MYCBP2: variants seen among roughly 807,000 people sequenced by gnomAD.
The protein encoded by MYCBP2 is E3 ubiquitin-protein ligase MYCBP2.
In MYCBP2, 120 loss-of-function variants were observed where a neutral mutation model predicts 525.3. That is an observed-to-expected ratio of 0.23 (90% CI 0.20 to 0.27). MYCBP2 has a LOEUF of 0.27. Ranked by LOEUF, MYCBP2 falls within the 10% of genes least tolerant of loss-of-function variation. The pLI is 1.00. For missense variants in MYCBP2, 4,149 were observed against 5,657.1 expected, an observed-to-expected ratio of 0.73 and a Z score of 8.55; for synonymous variants, 1,894 against 1,955.8, an observed-to-expected ratio of 0.97 and a Z score of 0.83.
intron 27 of MYCBP2, among the ~76,000 whole-genome samples, chr13:77,193,135 A>G (rs1490109715): frequency 6.6e-6 from 1 of 152,168 alleles, no homozygotes; most frequent in Non-Finnish European, 1.5e-5. Context: ...TCTCAAAAAT[A>G]AAAATTAATA....
In MYCBP2 at chr13:77,068,683, G is replaced by C. The variant is rs1479387532; in HGVS notation, c.12053C>G (p.Ser4018Cys). Reference sequence around the variant, plus strand: ...AGAGCCACTCAGTGCTAAAACCATAGAGAGCAGCTCAAAGCAGTAGGCATC... The same window carrying C: ...AGAGCCACTCAGTGCTAAAACCATACAGAGCAGCTCAAAGCAGTAGGCATC... Reference protein sequence around the residue: ...SSDAYCFELLSMVLALSGSNV... With the variant: ...SSDAYCFELLCMVLALSGSNV... The change falls in exon 70 of 83, where the codon TCT (serine) becomes TGT (cysteine). Residue 4018 changes from serine (S) to cysteine (C), a missense_variant. Ser to Cys is a moderately radical substitution (Grantham distance 112, BLOSUM62 -1). Around this residue, in one of 21 missense-constraint regions of MYCBP2, gnomAD observed 64 missense variants for 131.2 expected, o/e 0.49. Transcript: ENST00000544440. The C allele has an allele frequency of 1.2e-6, 2 of 1,614,044 alleles. No individual in the cohort carries two copies. The highest frequency in any genetic ancestry group is 1.3e-5 in the African/African-American group (1 of 74,922).
intron 52 of MYCBP2, among the ~76,000 whole-genome samples, chr13:77,137,792 G>A (rs545578858): frequency 6.6e-6 from 1 of 152,212 alleles, no homozygotes; most frequent in Non-Finnish European, 1.5e-5. Context: ...GTTTCACCAT[G>A]TTGGCCAGGC....
At chr13:77,174,952 T>TTATATA (rs991835094) in intron 36 of MYCBP2, among the ~76,000 whole-genome samples, 7 of 116,648 alleles carry the variant, frequency 6.0e-5, no homozygotes, top group African/African-American at 2.7e-4. Context: ...ATTTTATATA[T>TTATATA]TATATATATA....
chr13:77,168,008 G>GT (rs2058722643), intron 40 of MYCBP2, among the ~76,000 whole-genome samples: 1 of 152,092 alleles, frequency 6.6e-6, no homozygotes, highest in East Asian at 1.9e-4. Flanking sequence ...TTTATACATA[G>GT]TTTTTTTAAC....
chr13:77,137,122 A>C (rs1457276429), intron 52 of MYCBP2, among the ~76,000 whole-genome samples: 2 of 152,128 alleles, frequency 1.3e-5, no homozygotes, highest in African/African-American at 4.8e-5. Flanking sequence ...TCCACTCCTT[A>C]CCGCTCCTCT....
intron 49 of MYCBP2, among the ~76,000 whole-genome samples, chr13:77,141,930 T>A (rs1346127205): frequency 6.6e-6 from 1 of 152,092 alleles, no homozygotes; most frequent in East Asian, 1.9e-4. Context: ...CGGAGAAAAC[T>A]TAGGAAGAAG....
At chr13:77,266,264 T>G (rs1305301978) in intron 8 of MYCBP2, among the ~76,000 whole-genome samples, 1 of 152,170 alleles carries the variant, frequency 6.6e-6, no homozygotes, top group African/African-American at 2.4e-5. Context: ...CTAAAATGAC[T>G]GGCACAAAGA....
intron 13 of MYCBP2, among the ~76,000 whole-genome samples, chr13:77,258,121 A>G (rs908997100): frequency 2.6e-5 from 4 of 152,202 alleles, no homozygotes; most frequent in African/African-American, 9.6e-5. Flanking sequence ...ACCTCTCCAC[A>G]GTACTTTCAA....
At chr13:77,229,922 ATCTC>A (rs1164978195) in intron 18 of MYCBP2, among the ~76,000 whole-genome samples, 4 of 152,182 alleles carry the variant, frequency 2.6e-5, no homozygotes, top group African/African-American at 9.6e-5. Context: ...TTTTAGGACT[ATCTC>A]TAGAACAATT....
At chr13:77,078,783 T>C in intron 66 of MYCBP2, 41 bp downstream of exon 66, 3 of 1,530,234 alleles carry the variant, frequency 2.0e-6, no homozygotes, top group Non-Finnish European at 2.7e-6. Flanking sequence ...AAGAAATTTC[T>C]CTCTAGGTAG....
chr13:77,068,810 C>T lies in MYCBP2; in HGVS notation c.11926G>A (p.Ala3976Thr), dbSNP rs2040614920. Residue 3976 changes from alanine (A) to threonine (T), a missense_variant, in exon 70 of 83, where the codon GCT (alanine) becomes ACT (threonine). Transcript: ENST00000544440. ...ACTCTGGTAGCTTCCATGCGAATAGCTTGGACAATATGAGCACACACCTAT... is the reference window on the plus strand; with the variant it reads ...ACTCTGGTAGCTTCCATGCGAATAGTTTGGACAATATGAGCACACACCTAT... Reference protein sequence around the residue: ...QKQVCAHIVQAIRMEATRVRE... With the variant: ...QKQVCAHIVQTIRMEATRVRE... The T allele has an allele frequency of 6.2e-7, 1 of 1,613,964 alleles. No individual in the cohort carries two copies. Among genetic ancestry groups the T allele is most frequent in the Admixed American group, 1.7e-5 (1 of 60,022 alleles).
chr13:77,306,484 TG>T (rs1171998140), intron 1 of MYCBP2, among the ~76,000 whole-genome samples: 2 of 152,116 alleles, frequency 1.3e-5, no homozygotes, highest in South Asian at 2.1e-4. Flanking sequence ...AGTCTTCACA[TG>T]GGGGGAGGAC....
intron 18 of MYCBP2, among the ~76,000 whole-genome samples, chr13:77,227,883 C>T (rs1164834337): frequency 6.6e-6 from 1 of 152,006 alleles, no homozygotes; most frequent in Non-Finnish European, 1.5e-5. Context: ...AAAGTAGCAG[C>T]TGTTATTTAG....
At chr13:77,309,320 G>A (rs2079862367) in intron 1 of MYCBP2, among the ~76,000 whole-genome samples, 1 of 152,220 alleles carries the variant, frequency 6.6e-6, no homozygotes, top group Admixed American at 6.5e-5. Context: ...CAGTTTGTGA[G>A]TGACAGTATG....
rs777846312 is a variant in MYCBP2 at position 77,326,731 on chromosome 13, C to T, written c.45G>A (p.Ser15=). The stretch of plus-strand genomic sequence containing the variant: ...GGTAGAATCCGTCCCCGCCGAGCCC[C>T]GAGGAGGCGGCGGCGGGGGAGGCAG... ...AATASPAAAS[S]GLGGDGFYPA... The change falls in exon 1 of 83, where the codon TCG becomes TCA. Residue 15 remains serine (S), a synonymous_variant. Coordinates refer to ENST00000544440, the MANE Select transcript of MYCBP2 (RefSeq NM_015057.5). This position sits in a 1 kb window ranked among gnomAD's most constrained non-coding sequence, Gnocchi z 4.2. 909 of 1,409,894 alleles carry T rather than the reference C, an allele frequency of 6.4e-4. 1 individual carries two copies. The highest frequency in any genetic ancestry group is 7.5e-4 in the Non-Finnish European group (819 of 1,095,402). The allele number at this position is 1,409,894 out of a possible 1,614,324, so 87.3% of individuals were successfully genotyped here. A position where few individuals can be genotyped will look rare whatever the true frequency, so the allele number is the denominator to read the frequency against.
chr13:77,259,438 T>C (rs1033207860), intron 13 of MYCBP2, among the ~76,000 whole-genome samples: 8 of 152,178 alleles, frequency 5.3e-5, no homozygotes, highest in Non-Finnish European at 1.2e-4. Flanking sequence ...TCAATAAATA[T>C]ATGTTGAAGA....
chr13:77,218,193 C>T (rs2154289915), intron 20 of MYCBP2, among the ~76,000 whole-genome samples: 2 of 152,144 alleles, frequency 1.3e-5, no homozygotes, highest in East Asian at 3.9e-4. Context: ...TGTAATTACC[C>T]TAATTATAGA....
intron 55 of MYCBP2, 114 bp from the exon 56 acceptor site, chr13:77,099,127 T>C (rs572870915): frequency 1.5e-6 from 2 of 1,321,082 alleles, no homozygotes; most frequent in African/African-American, 1.5e-5. Context: ...TTGTTTGTCA[T>C]ACATACTAAA....
At chr13:77,102,618 T>C (rs1413622890) in intron 55 of MYCBP2, among the ~76,000 whole-genome samples, 1 of 151,438 alleles carries the variant, frequency 6.6e-6, no homozygotes, top group Non-Finnish European at 1.5e-5. Context: ...AGTTTAAACA[T>C]TTCTAAGTTT....
Sources: allele counts gnomAD v4.1 joint callset (sites outside exome capture counted in the v4.1 genomes callset), GRCh38; gene constraint gnomAD v4.1.1; regional missense constraint gnomAD v4.1.1; non-coding constraint Gnocchi (gnomAD v3.1); transcripts MANE v1.5; gene names NCBI Gene and HGNC (gene_info 2026-07-23, HGNC 2026-07-21).